Variants in HYCC1 observed in about 807,000 individuals in gnomAD.
HYCC1 encodes hyccin.
the HYCC1 span, chr7:22,946,285 C>G: frequency 5.4e-6 from 4 of 747,106 alleles, no homozygotes; most frequent in Non-Finnish European, 8.6e-6. Context: ...TATAAAGCAA[C>G]AGATTATAGA....
chr7:22,976,709 G>A, the HYCC1 span: 1 of 1,605,696 alleles, frequency 6.2e-7, no homozygotes, highest in Non-Finnish European at 8.5e-7. Flanking sequence ...TGTGCTGTCA[G>A]CATCTCCCTT....
the HYCC1 span, among the ~76,000 whole-genome samples, chr7:22,988,419 T>C: frequency 1.3e-5 from 2 of 152,152 alleles, no homozygotes; most frequent in African/African-American, 4.8e-5. Flanking sequence ...TAATAAAATA[T>C]TGTTACCCAC....
At chr7:22,934,229 T>C in the HYCC1 span, 2 of 110,894 alleles carry the variant, frequency 1.8e-5, 1 homozygote, top group Non-Finnish European at 3.8e-5. Context: ...TTTTTTTTTT[T>C]TTTTTCCCTC....
chr7:22,920,779 C>T, the HYCC1 span, among the ~76,000 whole-genome samples: 1 of 152,060 alleles, frequency 6.6e-6, no homozygotes, highest in Non-Finnish European at 1.5e-5. Context: ...CTACAAATCT[C>T]GTGTTGAAAT....
chr7:22,902,261 G>A, the HYCC1 span, among the ~76,000 whole-genome samples: 2 of 151,872 alleles, frequency 1.3e-5, no homozygotes, highest in Non-Finnish European at 2.9e-5. Context: ...AAAATATATG[G>A]GATGTGGGTA....
chr7:22,983,759 A>G, the HYCC1 span: 2 of 565,990 alleles, frequency 3.5e-6, no homozygotes, highest in Non-Finnish European at 6.3e-6. Flanking sequence ...AAATGTTCAG[A>G]GATGGCTTCT....
At chr7:22,976,098 T>C in the HYCC1 span, 1 of 749,522 alleles carries the variant, frequency 1.3e-6, no homozygotes. Flanking sequence ...ATTAACTTAT[T>C]TAATGTTTTA....
chr7:22,958,646 T>C, the HYCC1 span, among the ~76,000 whole-genome samples: 1 of 152,118 alleles, frequency 6.6e-6, no homozygotes, highest in Non-Finnish European at 1.5e-5. Context: ...GTAATTTTTT[T>C]CCTATAAAAT....
the HYCC1 span, chr7:22,961,368 A>ATTT: frequency 9.3e-7 from 1 of 1,080,884 alleles, no homozygotes; most frequent in Non-Finnish European, 1.4e-6. Flanking sequence ...ATTATTTATA[A>ATTT]CTGAACAAAA....
the HYCC1 span, among the ~76,000 whole-genome samples, chr7:22,913,126 GA>G: frequency 2.5e-4 from 37 of 146,416 alleles, no homozygotes; most frequent in Middle Eastern, 3.5e-3. Flanking sequence ...CTCCATCTTG[GA>G]AAAAAAAAAA....
chr7:22,950,711 A>AT, the HYCC1 span, among the ~76,000 whole-genome samples: 2 of 152,030 alleles, frequency 1.3e-5, no homozygotes, highest in African/African-American at 4.8e-5. Flanking sequence ...TTTAAAATCT[A>AT]TTTTTTTATT....
At chr7:22,911,749 TC>T in the HYCC1 span, among the ~76,000 whole-genome samples, 1 of 152,128 alleles carries the variant, frequency 6.6e-6, no homozygotes, top group African/African-American at 2.4e-5. Context: ...ACAGCAAGAC[TC>T]CATATCAAAA....
At chr7:22,964,071 A>AT in the HYCC1 span, among the ~76,000 whole-genome samples, 1 of 151,864 alleles carries the variant, frequency 6.6e-6, no homozygotes, top group Non-Finnish European at 1.5e-5. Context: ...ATGGAAAAAT[A>AT]TATTTCTTGA....
At chr7:22,947,745 T>C in the HYCC1 span, among the ~76,000 whole-genome samples, 1 of 152,230 alleles carries the variant, frequency 6.6e-6, no homozygotes, top group African/African-American at 2.4e-5. Flanking sequence ...AATTCTATTT[T>C]TTATGAGGCT....
At chr7:22,907,008 G>A in the HYCC1 span, among the ~76,000 whole-genome samples, 1 of 150,052 alleles carries the variant, frequency 6.7e-6, no homozygotes, top group Non-Finnish European at 1.5e-5. Flanking sequence ...GGGAGGCTGA[G>A]GAAGGAGAAT....
chr7:22,976,595 TCACA>T, the HYCC1 span: 2 of 790,690 alleles, frequency 2.5e-6, no homozygotes, highest in East Asian at 5.3e-5. Context: ...AAATAAATTG[TCACA>T]CACAACTCAT....
chr7:22,903,261 T>G, the HYCC1 span, among the ~76,000 whole-genome samples: 1 of 152,042 alleles, frequency 6.6e-6, no homozygotes, highest in East Asian at 1.9e-4. Flanking sequence ...CATACAAACT[T>G]GTACACAAAT....
chr7:23,011,671 C>T, the HYCC1 span, among the ~76,000 whole-genome samples: 1 of 152,184 alleles, frequency 6.6e-6, no homozygotes, highest in African/African-American at 2.4e-5. Context: ...TCCTACTAAC[C>T]CCTGCATTCA....
chr7:22,901,402 T>C, the HYCC1 span, among the ~76,000 whole-genome samples: 1 of 151,812 alleles, frequency 6.6e-6, no homozygotes, highest in Non-Finnish European at 1.5e-5. Context: ...AATAATTACA[T>C]TAAATGTAAC....
Sources: allele counts gnomAD v4.1 joint callset (sites outside exome capture counted in the v4.1 genomes callset), GRCh38; gene constraint gnomAD v4.1.1; transcripts MANE v1.5; gene names NCBI Gene and HGNC (gene_info 2026-07-23, HGNC 2026-07-21).